USH2A: variants seen among roughly 807,000 people sequenced by gnomAD.
The protein encoded by USH2A is usherin.
Under a neutral mutation model 538.9 loss-of-function variants are expected in USH2A, and 443 were observed. The ratio of observed to expected loss-of-function variants is 0.82; its 90% CI spans 0.76 to 0.89. The LOEUF (loss-of-function observed/expected upper bound fraction) is 0.89. USH2A is among the 40% of genes least tolerant of loss of function. USH2A has a pLI of 0.00. For missense variants in USH2A, 6,633 were observed against 6,324.8 expected, an observed-to-expected ratio of 1.05 and a Z score of -1.65; for synonymous variants, 2,413 against 2,273.5, an observed-to-expected ratio of 1.06 and a Z score of -1.75.
intron 39 of USH2A, 177 bp downstream of exon 39, chr1:215,900,578 A>G (rs1665466532): frequency 1.1e-6 from 1 of 882,060 alleles, no homozygotes; most frequent in Admixed American, 2.6e-5. Flanking sequence ...AATGCTACAT[A>G]AATGAAAAAT....
At position 215,743,799 on chromosome 1, in the gene USH2A, G is replaced by T. The variant is rs1344474287; in HGVS notation, c.11390-464C>A. Among the ~76,000 whole-genome samples, 12 of 143,450 alleles carry T rather than the reference G, an allele frequency of 8.4e-5. No homozygotes were observed. The Admixed American group carries it at 8.6e-4, about 10-fold the overall frequency. The allele number at this position is 143,450 out of a possible 152,430, so 94.1% of individuals were successfully genotyped here. On this transcript the variant is annotated intron_variant, in intron 58 of 71. Coordinates refer to ENST00000307340, the MANE Select transcript of USH2A (RefSeq NM_206933.4). ...CACGCCACTGCACTCCAGCCTGGGC[G>T]ACAGAGTGAGACTCCGCCTCCAAAA...
At chr1:215,951,549 T>C (rs1423574166) in intron 37 of USH2A, among the ~76,000 whole-genome samples, 1 of 152,064 alleles carries the variant, frequency 6.6e-6, no homozygotes, top group African/African-American at 2.4e-5. Context: ...GAGTGGAGAG[T>C]TCTGTAGATG....
chr1:215,665,276 T>G (rs575044908), intron 64 of USH2A, among the ~76,000 whole-genome samples: 1 of 152,282 alleles, frequency 6.6e-6, no homozygotes, highest in Admixed American at 6.5e-5. Context: ...GCACTAGCCC[T>G]AAGTTCAGAC....
Position 215,917,274 on chromosome 1 carries a change from C to T in USH2A, c.7301-16369G>A, listed in dbSNP as rs1337171349. Among the ~76,000 whole-genome samples the T allele has an allele frequency of 2.0e-5, 3 of 152,048 alleles. No homozygotes were observed. In the East Asian group the frequency reaches 5.8e-4, roughly 29 times the overall value. On this transcript the variant is annotated intron_variant, in intron 38 of 71. Coordinates refer to ENST00000307340, the MANE Select transcript of USH2A (RefSeq NM_206933.4). ...CGTCTTAGTATTCCTAAGAGCATTT[C>T]TTAGCATTCCTATTATTTTGAATAC...
chr1:216,275,875 A>G (rs2036661317), intron 11 of USH2A, among the ~76,000 whole-genome samples: 1 of 152,164 alleles, frequency 6.6e-6, no homozygotes, highest in South Asian at 2.1e-4. Flanking sequence ...AGGATTTGAT[A>G]CAATAATTCA....
intron 11 of USH2A, among the ~76,000 whole-genome samples, chr1:216,288,946 T>C: frequency 6.6e-6 from 1 of 152,338 alleles, no homozygotes; most frequent in Non-Finnish European, 1.5e-5. Flanking sequence ...TTGGAGAAAC[T>C]ATTCTTGTTT....
chr1:216,040,479 T>C (rs2030227912), intron 32 of USH2A, among the ~76,000 whole-genome samples: 1 of 152,030 alleles, frequency 6.6e-6, no homozygotes, highest in Admixed American at 6.6e-5. Context: ...ACCATCTTGC[T>C]ATTTTTGTTT....
chr1:215,824,760 G>A (rs1027969769), intron 47 of USH2A, among the ~76,000 whole-genome samples: 1 of 152,136 alleles, frequency 6.6e-6, no homozygotes, highest in African/African-American at 2.4e-5. Flanking sequence ...AACCTAAGAC[G>A]GTCGGGAAAC....
chr1:216,144,509 T>C (rs74141508), intron 21 of USH2A, among the ~76,000 whole-genome samples: 4,613 of 152,228 alleles, frequency 0.03, 206 homozygotes, highest in African/African-American at 0.1. Context: ...AATATGATTG[T>C]TCAGCTATCA....
chr1:215,809,695 C>T (rs1442734863), intron 49 of USH2A, among the ~76,000 whole-genome samples: 1 of 151,930 alleles, frequency 6.6e-6, no homozygotes, highest in Non-Finnish European at 1.5e-5. Context: ...GGGTTATTAG[C>T]ATATTTATTA....
chr1:215,716,790 T>A (rs1267701833), intron 61 of USH2A, among the ~76,000 whole-genome samples: 1 of 151,984 alleles, frequency 6.6e-6, no homozygotes, highest in African/African-American at 2.4e-5. Flanking sequence ...CCTAAGGGGG[T>A]CCTTAATACA....
intron 58 of USH2A, among the ~76,000 whole-genome samples, chr1:215,748,026 G>A (rs1660525874): frequency 6.6e-6 from 1 of 151,850 alleles, no homozygotes; most frequent in South Asian, 2.1e-4. Flanking sequence ...CGAGTAGCTG[G>A]GACTACAGGC....
intron 12 of USH2A, among the ~76,000 whole-genome samples, chr1:216,250,445 G>GA (rs201055322): frequency 4.0e-5 from 6 of 151,786 alleles, no homozygotes; most frequent in Non-Finnish European, 7.4e-5. Flanking sequence ...AAATATAACA[G>GA]AAAAAAATGG....
intron 21 of USH2A, among the ~76,000 whole-genome samples, chr1:216,155,705 G>A (rs1303193007): frequency 6.6e-6 from 1 of 152,086 alleles, no homozygotes; most frequent in Non-Finnish European, 1.5e-5. Flanking sequence ...ACTTTTTACT[G>A]CAATGCTGCA....
At chr1:215,709,718 G>A (rs1274526978) in intron 61 of USH2A, among the ~76,000 whole-genome samples, 1 of 150,394 alleles carries the variant, frequency 6.6e-6, no homozygotes, top group Admixed American at 6.6e-5. Flanking sequence ...ACTATTATTG[G>A]TAAAAATGAT....
intron 32 of USH2A, among the ~76,000 whole-genome samples, chr1:216,018,616 C>T (rs1237545594): frequency 6.6e-6 from 1 of 152,130 alleles, no homozygotes; most frequent in Non-Finnish European, 1.5e-5. Flanking sequence ...GTAGAGCACA[C>T]ATTTACAGGG....
At chr1:215,992,326 A>T (rs1170352373) in intron 35 of USH2A, among the ~76,000 whole-genome samples, 16 of 152,160 alleles carry the variant, frequency 1.1e-4, no homozygotes, top group Admixed American at 1.0e-3. Flanking sequence ...AACCTTAAAG[A>T]TATTTCCACT....
chr1:215,862,528 C>A (rs1461363121), intron 44 of USH2A, among the ~76,000 whole-genome samples: 1 of 152,002 alleles, frequency 6.6e-6, no homozygotes, highest in Non-Finnish European at 1.5e-5. Context: ...CAAACCTGCA[C>A]GTTGTGCAGA....
intron 35 of USH2A, among the ~76,000 whole-genome samples, chr1:215,978,972 T>C (rs936392398): frequency 3.3e-5 from 5 of 152,196 alleles, no homozygotes; most frequent in Admixed American, 1.3e-4. Flanking sequence ...TGTAGCTGGA[T>C]GTATTAGTCC....
Sources: allele counts gnomAD v4.1 joint callset (sites outside exome capture counted in the v4.1 genomes callset), GRCh38; gene constraint gnomAD v4.1.1; transcripts MANE v1.5; gene names NCBI Gene and HGNC (gene_info 2026-07-23, HGNC 2026-07-21).